MYO3A: variants seen among roughly 807,000 people sequenced by gnomAD.
The protein encoded by MYO3A is myosin-IIIa.
MYO3A carries 180 observed loss-of-function variants against 192.7 expected under a neutral mutation model. That is an observed-to-expected ratio of 0.93 (90% confidence interval 0.83 to 1.06). MYO3A has a LOEUF of 1.06. Among genes scored for constraint, MYO3A ranks in the 50% least tolerant of loss-of-function variants. MYO3A has a pLI of 0.00. For synonymous variants in MYO3A, 628 were observed against 645.3 expected, an observed-to-expected ratio of 0.97 and a Z score of 0.41; for missense variants, 1,896 against 1,905.0, an observed-to-expected ratio of 1.00 and a Z score of 0.09.
chr10:26,053,194 ATATG>A (rs963267601), intron 10 of MYO3A, among the ~76,000 whole-genome samples: 5 of 146,802 alleles, frequency 3.4e-5, no homozygotes, highest in African/African-American at 9.8e-5. Flanking sequence ...TTTAATATAT[ATATG>A]TATGTGTGTA....
intron 4 of MYO3A, among the ~76,000 whole-genome samples, chr10:25,978,439 C>T (rs755590581): frequency 6.6e-6 from 1 of 152,166 alleles, no homozygotes; most frequent in Non-Finnish European, 1.5e-5. Flanking sequence ...GGAAACACCC[C>T]TTTCTATAAC....
chr10:26,211,754 A>T (rs1219316413), intron 34 of MYO3A, 89 bp from the exon 35 acceptor site: 20 of 1,571,352 alleles, frequency 1.3e-5, no homozygotes, highest in Non-Finnish European at 1.6e-5. Flanking sequence ...AGAACGTGGG[A>T]GGAAGAGGAC....
intron 15 of MYO3A, among the ~76,000 whole-genome samples, chr10:26,096,160 A>G: frequency 6.6e-6 from 1 of 152,204 alleles, no homozygotes; most frequent in East Asian, 1.9e-4. Flanking sequence ...ACGAATGTAT[A>G]CTGAATGATT....
chr10:26,026,278 G>T (rs766834575), intron 9 of MYO3A, 99 bp from the exon 10 acceptor site: 99 of 1,386,576 alleles, frequency 7.1e-5, no homozygotes, highest in Non-Finnish European at 9.7e-5. Flanking sequence ...TTTATGAGGA[G>T]CATCACTCTC....
intron 21 of MYO3A, among the ~76,000 whole-genome samples, chr10:26,145,015 T>C (rs1355984003): frequency 6.6e-6 from 1 of 151,900 alleles, no homozygotes; most frequent in Non-Finnish European, 1.5e-5. Flanking sequence ...GTCTCTACTT[T>C]AAAAATATAA....
At chr10:26,139,740 A>G (rs1840047825) in intron 20 of MYO3A, among the ~76,000 whole-genome samples, 1 of 152,052 alleles carries the variant, frequency 6.6e-6, no homozygotes, top group Admixed American at 6.5e-5. Context: ...CAACTCTACT[A>G]AAAATACAAA....
chr10:26,196,540 A>T (rs1843414955), intron 32 of MYO3A, among the ~76,000 whole-genome samples: 2 of 152,214 alleles, frequency 1.3e-5, no homozygotes, highest in East Asian at 1.9e-4. Context: ...ACAGAAAAGG[A>T]GTATATTATT....
intron 4 of MYO3A, among the ~76,000 whole-genome samples, chr10:25,992,573 TC>T (rs575500261): frequency 0.011 from 1,714 of 152,316 alleles, 34 homozygotes; most frequent in African/African-American, 0.037. Flanking sequence ...AGAGAGGGCA[TC>T]CCTGTCTTGT....
intron 4 of MYO3A, among the ~76,000 whole-genome samples, chr10:25,993,117 G>A (rs553368570): frequency 0.095 from 14,418 of 151,920 alleles, 1,195 homozygotes; most frequent in African/African-American, 0.22. Context: ...GGTAGAATTC[G>A]GCTGTGAATC....
chr10:26,070,046 G>C, intron 12 of MYO3A, 65 bp from the exon 13 acceptor site: 1 of 1,185,922 alleles, frequency 8.4e-7, no homozygotes, highest in Non-Finnish European at 1.2e-6. Context: ...AGCTATATTT[G>C]TAAATAATTC....
chr10:26,098,839 G>A (rs1486932308), intron 17 of MYO3A, among the ~76,000 whole-genome samples: 3 of 152,190 alleles, frequency 2.0e-5, no homozygotes, highest in African/African-American at 7.2e-5. Flanking sequence ...TTGAAGTCAG[G>A]TAGCATGATG....
rs575401854 is a variant in MYO3A at position 26,070,678 on chromosome 10, C to T, written c.1359+277C>T. Among the ~76,000 whole-genome samples the T allele has an allele frequency of 2.0e-4, 30 of 152,070 alleles. 1 individual carries two copies. Among genetic ancestry groups the T allele is most frequent in the African/African-American group, 6.5e-4 (27 of 41,554 alleles). On this transcript the variant is annotated intron_variant, in intron 14 of 34. Coordinates refer to ENST00000642920, the MANE Select transcript of MYO3A (RefSeq NM_017433.5). Reference sequence around the variant, plus strand: ...TCCCAGTGCATTTATTGAATGCTTTCTTTACTTTTTCTCCTTTTGTTGCTA... The same window carrying T: ...TCCCAGTGCATTTATTGAATGCTTTTTTTACTTTTTCTCCTTTTGTTGCTA...
chr10:26,171,937 T>C (rs1842067172), intron 29 of MYO3A, among the ~76,000 whole-genome samples: 1 of 152,210 alleles, frequency 6.6e-6, no homozygotes, highest in African/African-American at 2.4e-5. Flanking sequence ...TAGCTTTCAA[T>C]GTAGCAGATA....
chr10:26,040,043 C>T (rs1365167290), intron 10 of MYO3A, among the ~76,000 whole-genome samples: 1 of 151,860 alleles, frequency 6.6e-6, no homozygotes, highest in Non-Finnish European at 1.5e-5. Flanking sequence ...ACTGCTGTCA[C>T]TGTATTCCAT....
At chr10:26,050,352 G>GA (rs1355674406) in intron 10 of MYO3A, among the ~76,000 whole-genome samples, 1 of 152,090 alleles carries the variant, frequency 6.6e-6, no homozygotes, top group African/African-American at 2.4e-5. Context: ...ATGATTCTTG[G>GA]AAAAGGTAAA....
At chr10:25,982,536 C>T (rs1588699821) in intron 4 of MYO3A, among the ~76,000 whole-genome samples, 1 of 152,198 alleles carries the variant, frequency 6.6e-6, no homozygotes, top group Non-Finnish European at 1.5e-5. Flanking sequence ...AAGACCTTCA[C>T]TAAGCCCACT....
intron 4 of MYO3A, among the ~76,000 whole-genome samples, chr10:25,982,616 G>A (rs1839402338): frequency 6.6e-6 from 1 of 152,176 alleles, no homozygotes; most frequent in African/African-American, 2.4e-5. Flanking sequence ...TCACATTACA[G>A]AACTCTTTGC....
intron 14 of MYO3A, among the ~76,000 whole-genome samples, chr10:26,081,133 T>TCCCCCCCCCTTCCCCCC (rs1835907338): frequency 2.4e-4 from 20 of 84,940 alleles, no homozygotes; most frequent in African/African-American, 7.6e-4. Context: ...TATATGCCCT[T>TCCCCCCCCCTTCCCCCC]CCCCCCCCCC....
intron 4 of MYO3A, among the ~76,000 whole-genome samples, chr10:25,969,506 T>A (rs1372087069): frequency 6.6e-6 from 1 of 152,152 alleles, no homozygotes; most frequent in Non-Finnish European, 1.5e-5. Flanking sequence ...GGTATGTTAT[T>A]TTAATGTAGA....
Sources: gnomAD v4.1 joint callset for allele counts (sites outside exome capture counted in the v4.1 genomes callset) on GRCh38, gnomAD v4.1.1 for gene constraint, MANE v1.5 for transcripts, NCBI Gene and HGNC (gene_info 2026-07-23, HGNC 2026-07-21) for gene names.